Variants in RABGAP1L observed in about 807,000 individuals in gnomAD.
RABGAP1L encodes rab GTPase-activating protein 1-like.
RABGAP1L carries 63 observed loss-of-function variants against 137.7 expected under a neutral mutation model. The observed-to-expected ratio is 0.46, with a 90% CI of 0.37 to 0.56. RABGAP1L has a LOEUF of 0.56. Ranked by LOEUF, RABGAP1L falls within the 20% of genes least tolerant of loss-of-function variation. The pLI, the probability that RABGAP1L is intolerant of heterozygous loss-of-function variation, is 0.00. For synonymous variants in RABGAP1L, 431 were observed against 433.7 expected (o/e 0.99, Z 0.08); for missense variants, 1,095 against 1,244.0 (o/e 0.88, Z 1.80).
chr1:174,204,821 C>G (rs544099129), intron 1 of RABGAP1L, among the ~76,000 whole-genome samples: 110 of 152,166 alleles, frequency 7.2e-4, no homozygotes, highest in African/African-American at 2.2e-3. Context: ...TGTAGTACTT[C>G]CCCCTTCACT....
rs999610547 is a variant in RABGAP1L, at chr1:174,519,203, CACAT to C, written c.1711-118166_1711-118163del. On this transcript the variant is annotated intron_variant, in intron 13 of 25. Transcript: ENST00000681986. ...ATGTGTAAATATATATATATACACA[CACAT>C]ACATATATATATACACACACACACA... 1.0e-4 allele frequency among the ~76,000 whole-genome samples: 15 copies of C among 148,392 alleles called. No individual in the cohort carries two copies. In the East Asian group the frequency reaches 2.5e-3, roughly 25 times the overall value.
chr1:174,250,129 T>C (rs912329810), intron 5 of RABGAP1L, among the ~76,000 whole-genome samples: 3 of 152,194 alleles, frequency 2.0e-5, no homozygotes, highest in Admixed American at 6.5e-5. Context: ...ATTATTAATT[T>C]CAAAGTAAAA....
intron 11 of RABGAP1L, among the ~76,000 whole-genome samples, chr1:174,351,025 C>T (rs1250069744): frequency 2.7e-5 from 3 of 111,694 alleles, no homozygotes; most frequent in Non-Finnish European, 5.2e-5. Context: ...GCCGAGATGG[C>T]AGCAGTACAG....
chr1:174,500,237 G>A (rs181479644), intron 13 of RABGAP1L, among the ~76,000 whole-genome samples: 156 of 152,044 alleles, frequency 1.0e-3, no homozygotes, highest in African/African-American at 3.4e-3. Context: ...ACACCACTAC[G>A]CCCAGCTAAT....
intron 13 of RABGAP1L, among the ~76,000 whole-genome samples, chr1:174,436,555 G>A (rs1057442050): frequency 2.0e-5 from 3 of 151,952 alleles, no homozygotes; most frequent in African/African-American, 7.3e-5. Context: ...CTAGATATTA[G>A]CCCTTTGTCA....
chr1:174,611,215 C>T (rs1336486969), intron 13 of RABGAP1L, among the ~76,000 whole-genome samples: 1 of 146,938 alleles, frequency 6.8e-6, no homozygotes, highest in South Asian at 2.2e-4. Context: ...TTTTATCCAT[C>T]TTGAATTAAT....
chr1:174,902,175 C>T lies in RABGAP1L; in HGVS notation c.2341-55282C>T, dbSNP rs116442353. Among the ~76,000 whole-genome samples the T allele has an allele frequency of 2.5e-3, 379 of 152,274 alleles. 3 individuals carry two copies. The highest frequency in any genetic ancestry group is 8.6e-3 in the African/African-American group (358 of 41,552). ...AGTCAGGAGGAACGGGATGAGGGACCCACCCAAAGAAGCAGTCTGGCTGCT... is the reference window on the plus strand; with the variant it reads ...AGTCAGGAGGAACGGGATGAGGGACTCACCCAAAGAAGCAGTCTGGCTGCT... On this transcript the variant is annotated intron_variant, in intron 19 of 25. Transcript: ENST00000681986.
At chr1:174,657,862 A>T (rs1201556729) in intron 14 of RABGAP1L, among the ~76,000 whole-genome samples, 1 of 152,204 alleles carries the variant, frequency 6.6e-6, no homozygotes, top group East Asian at 1.9e-4. Context: ...CTTCTCAGAC[A>T]GCCACAAAAT....
intron 19 of RABGAP1L, among the ~76,000 whole-genome samples, chr1:174,890,758 T>C (rs891972304): frequency 6.6e-6 from 1 of 152,220 alleles, no homozygotes. Flanking sequence ...GTACTTTGCT[T>C]TTCTCACTTA....
chr1:174,992,290 A>G lies in RABGAP1L; in HGVS notation c.*2289A>G, dbSNP rs933204209. 1.3e-5 allele frequency: 2 copies of G among 152,280 alleles called. No homozygotes were observed. The highest frequency in any genetic ancestry group is 2.4e-5 in the African/African-American group (1 of 41,422). 9.4% of individuals were successfully genotyped at this position (152,280 alleles called of 1,614,324 possible). A position where few individuals can be genotyped will look rare whatever the true frequency, so the allele number is the denominator to read the frequency against. On this transcript the variant is annotated 3_prime_UTR_variant, in exon 26 of 26. Coordinates refer to ENST00000681986, the MANE Select transcript of RABGAP1L (RefSeq NM_001366446.1). Reference sequence around the variant, plus strand: ...CCTATCTCTACTGCAAAATACAAAAATTAGCCGGGCTTGGTGGCGGGTGCC... The same window carrying G: ...CCTATCTCTACTGCAAAATACAAAAGTTAGCCGGGCTTGGTGGCGGGTGCC...
At chr1:174,463,187 A>G (rs373662441) in intron 13 of RABGAP1L, among the ~76,000 whole-genome samples, 14 of 152,128 alleles carry the variant, frequency 9.2e-5, no homozygotes, top group African/African-American at 3.4e-4. Flanking sequence ...ACTATAAATC[A>G]TGCTGCTATA....
intron 19 of RABGAP1L, among the ~76,000 whole-genome samples, chr1:174,863,233 C>CAAAAAAAAAAAAAAAAAAAA (rs71117585): frequency 2.4e-5 from 2 of 82,646 alleles, no homozygotes; most frequent in African/African-American, 9.7e-5. Context: ...TTGTTTGTAG[C>CAAAAAAAAAAAAAAAAAAAA]AAAAAAAAAA....
intron 13 of RABGAP1L, among the ~76,000 whole-genome samples, chr1:174,421,148 C>G (rs1651238839): frequency 6.6e-6 from 1 of 152,140 alleles, no homozygotes; most frequent in African/African-American, 2.4e-5. Context: ...TCATCTTCTG[C>G]TACTATCACA....
intron 13 of RABGAP1L, among the ~76,000 whole-genome samples, chr1:174,474,607 T>G (rs570176301): frequency 1.0e-3 from 152 of 152,156 alleles, no homozygotes; most frequent in African/African-American, 3.3e-3. Flanking sequence ...TTATTATTAT[T>G]ATTATTATTA....
intron 17 of RABGAP1L, among the ~76,000 whole-genome samples, chr1:174,738,859 A>G (rs1683165063): frequency 6.6e-6 from 1 of 152,196 alleles, no homozygotes; most frequent in African/African-American, 2.4e-5. Context: ...CATAATTGTA[A>G]AATTTTTGCA....
At chr1:174,252,728 A>G (rs895011837) in intron 7 of RABGAP1L, 138 bp downstream of exon 7, 2 of 1,310,262 alleles carry the variant, frequency 1.5e-6, no homozygotes, top group Non-Finnish European at 2.0e-6. Flanking sequence ...TACTTTCTCT[A>G]CTTTAACTTA....
chr1:174,670,510 C>T (rs399530), intron 14 of RABGAP1L, among the ~76,000 whole-genome samples: 55,987 of 151,864 alleles, frequency 0.37, 13,540 homozygotes, highest in African/African-American at 0.69. Context: ...TCTTTTTTTC[C>T]GATTAATCAT....
At chr1:174,479,452 AACTCCTC>A (rs2149326926) in intron 13 of RABGAP1L, among the ~76,000 whole-genome samples, 1 of 152,232 alleles carries the variant, frequency 6.6e-6, no homozygotes, top group South Asian at 2.1e-4. Context: ...CACTTTTGAA[AACTCCTC>A]AGATTTTGAT....
At chr1:174,238,553 G>A (rs549353080) in intron 4 of RABGAP1L, among the ~76,000 whole-genome samples, 59 of 152,076 alleles carry the variant, frequency 3.9e-4, no homozygotes, top group Non-Finnish European at 6.2e-4. Flanking sequence ...TGCCTCTGCT[G>A]GGGGGTGCCT....
Sources: gnomAD v4.1 joint callset for allele counts (sites outside exome capture counted in the v4.1 genomes callset) on GRCh38, gnomAD v4.1.1 for gene constraint, MANE v1.5 for transcripts, NCBI Gene and HGNC (gene_info 2026-07-23, HGNC 2026-07-21) for gene names.